AGO2: variants seen among roughly 807,000 people sequenced by gnomAD.
AGO2 encodes argonaute RISC catalytic component 2, also known as protein argonaute-2.
AGO2 carries 5 observed loss-of-function variants against 102.3 expected under a neutral mutation model. The observed-to-expected ratio is 0.05, with a 90% confidence interval of 0.03 to 0.10. The LOEUF (loss-of-function observed/expected upper bound fraction) is 0.10. Among genes scored for constraint, AGO2 ranks in the 10% least tolerant of loss-of-function variants. The pLI is 1.00. For synonymous variants in AGO2, 449 were observed against 473.1 expected (o/e 0.95, Z 0.66); for missense variants, 541 against 1,183.7 (o/e 0.46, Z 7.97).
intron 1 of AGO2, among the ~76,000 whole-genome samples, chr8:140,619,137 GC>G (rs1290641834): frequency 1.3e-5 from 2 of 151,974 alleles, no homozygotes; most frequent in Non-Finnish European, 2.9e-5. Flanking sequence ...GAAGGAGGAG[GC>G]CCCTGGCCCT....
intron 1 of AGO2, among the ~76,000 whole-genome samples, chr8:140,609,091 G>A (rs1393293605): frequency 2.0e-5 from 3 of 152,260 alleles, no homozygotes; most frequent in African/African-American, 7.2e-5. Context: ...GGGGGAGCAG[G>A]ATGCCGCCTC....
intron 1 of AGO2, among the ~76,000 whole-genome samples, chr8:140,613,966 G>T (rs2152102954): frequency 7.8e-6 from 1 of 128,522 alleles, no homozygotes; most frequent in East Asian, 2.4e-4. Context: ...AGTGAACCAT[G>T]ATCATCCCCA....
At chr8:140,623,527 C>T (rs1588514632) in intron 1 of AGO2, among the ~76,000 whole-genome samples, 1 of 152,198 alleles carries the variant, frequency 6.6e-6, no homozygotes, top group South Asian at 2.1e-4. Flanking sequence ...GCAGTCAGGC[C>T]CCCGGCTGGA....
chr8:140,564,685 G>A (rs1181707510), intron 3 of AGO2, among the ~76,000 whole-genome samples: 2 of 152,188 alleles, frequency 1.3e-5, no homozygotes, highest in African/African-American at 4.8e-5. Flanking sequence ...GCTCATGCCT[G>A]TAATCCCAGC....
Position 140,635,629 on chromosome 8 carries a change from A to C in AGO2, c.-123T>G. On this transcript the variant is annotated 5_prime_UTR_variant, in exon 1 of 19. Coordinates refer to ENST00000220592, the MANE Select transcript of AGO2 (RefSeq NM_012154.5). Reference sequence around the variant, plus strand: ...CCGCCCCGGCGCGGCCGCCTCGCCAAACAGGTTTACCCGACGCGGCCGGGG... The same window carrying C: ...CCGCCCCGGCGCGGCCGCCTCGCCACACAGGTTTACCCGACGCGGCCGGGG... The C allele has an allele frequency of 4.4e-6, 3 of 678,808 alleles. No homozygotes were observed. Among genetic ancestry groups the C allele is most frequent in the Non-Finnish European group, 5.4e-6 (3 of 553,204 alleles). 42.0% of individuals were successfully genotyped at this position (678,808 alleles called of 1,614,324 possible). A position where few individuals can be genotyped will look rare whatever the true frequency, so the allele number is the denominator to read the frequency against.
rs151220691 is a variant in AGO2 at position 140,580,031 on chromosome 8, G to A, written c.215+5088C>T. 6.4e-4 allele frequency among the ~76,000 whole-genome samples: 58 copies of A among 90,172 alleles called. 2 individuals are homozygous for A. The East Asian group carries it at 0.01, about 16-fold the overall frequency. The allele number at this position is 90,172 out of a possible 152,430, so 59.2% of individuals were successfully genotyped here. ...CCCACCTCCTCCTCGCAGCCCACCC[G>A]TGCTTCTCGGAACAGAGCATGGGGG... On this transcript the variant is annotated intron_variant, in intron 2 of 18. Transcript: ENST00000220592.
chr8:140,600,320 G>C (rs1410600762), intron 1 of AGO2, among the ~76,000 whole-genome samples: 1 of 152,246 alleles, frequency 6.6e-6, no homozygotes, highest in Non-Finnish European at 1.5e-5. Context: ...TCCCAGCCTT[G>C]TGTTAACTGT....
chr8:140,602,923 G>C (rs2133053058), intron 1 of AGO2, among the ~76,000 whole-genome samples: 1 of 152,262 alleles, frequency 6.6e-6, no homozygotes. Flanking sequence ...AATCGAAATG[G>C]TATTCTACTT....
rs2072462847 is a variant in AGO2 at position 140,524,264 on chromosome 8, A to G, written c.*7780T>C. On this transcript the variant is annotated 3_prime_UTR_variant, in exon 19 of 19. Coordinates refer to ENST00000220592, the MANE Select transcript of AGO2 (RefSeq NM_012154.5). ...TTAAAAAATCTACTTCCATTACAAT[A>G]AATATTCTTCTCGAGTGACTATGAG... 6.6e-6 allele frequency: 1 copy of G among 152,214 alleles called. No homozygotes were observed. Among genetic ancestry groups the G allele is most frequent in the African/African-American group, 2.4e-5 (1 of 41,444 alleles). 9.4% of individuals were successfully genotyped at this position (152,214 alleles called of 1,614,324 possible). A position where few individuals can be genotyped will look rare whatever the true frequency, so the allele number is the denominator to read the frequency against.
chr8:140,585,400 C>T, intron 1 of AGO2, 89 bp from the exon 2 acceptor site: 1 of 1,445,252 alleles, frequency 6.9e-7, no homozygotes, highest in Non-Finnish European at 9.4e-7. Flanking sequence ...ACTATATGCC[C>T]CCCTCTGCTG....
At chr8:140,536,525 C>A (rs896679111) in intron 16 of AGO2, among the ~76,000 whole-genome samples, 1 of 152,066 alleles carries the variant, frequency 6.6e-6, no homozygotes, top group African/African-American at 2.4e-5. Context: ...CGGGGTTTCA[C>A]TATGTTGGTC....
At chr8:140,544,100 A>C in intron 14 of AGO2, 113 bp downstream of exon 14, 1 of 1,171,876 alleles carries the variant, frequency 8.5e-7, no homozygotes, top group Non-Finnish European at 1.2e-6. Context: ...ACCGCAGCTT[A>C]GTGAGACCCC....
chr8:140,565,011 A>T (rs2073257138), intron 3 of AGO2, among the ~76,000 whole-genome samples: 1 of 152,054 alleles, frequency 6.6e-6, no homozygotes, highest in South Asian at 2.1e-4. Context: ...GCACGTGCCT[A>T]TAATCCCAGC....
At chr8:140,628,774 A>G (rs2074306035) in intron 1 of AGO2, among the ~76,000 whole-genome samples, 1 of 151,554 alleles carries the variant, frequency 6.6e-6, no homozygotes, top group South Asian at 2.1e-4. Context: ...CAAAATAATA[A>G]TAGCAGCAAC....
At chr8:140,576,982 T>G (rs1260893608) in intron 2 of AGO2, among the ~76,000 whole-genome samples, 2 of 151,954 alleles carry the variant, frequency 1.3e-5, no homozygotes, top group African/African-American at 4.8e-5. Context: ...CCGAAGCAGG[T>G]GGATCACGAG....
chr8:140,633,224 G>A (rs886718474), intron 1 of AGO2, among the ~76,000 whole-genome samples: 2 of 152,114 alleles, frequency 1.3e-5, no homozygotes, highest in African/African-American at 4.8e-5. Context: ...AAATTAGAAA[G>A]TATAAGATTA....
rs574089704 is a variant in AGO2 at position 140,544,507 on chromosome 8, T to G, written c.1749-204A>C. On this transcript the variant is annotated intron_variant, in intron 13 of 18. Transcript: ENST00000220592. Reference sequence around the variant, plus strand: ...AATCTGCTTCAGAATAGCCACGGGTTGGGGGGCTTGGGTGGAGTGTACTCC... The same window carrying G: ...AATCTGCTTCAGAATAGCCACGGGTGGGGGGGCTTGGGTGGAGTGTACTCC... 8.7e-4 allele frequency among the ~76,000 whole-genome samples: 133 copies of G among 152,306 alleles called. 2 individuals carry two copies. Among genetic ancestry groups the G allele is most frequent in the African/African-American group, 3.1e-3 (129 of 41,570 alleles).
chr8:140,639,264 G>A (rs1387501673), upstream of AGO2, among the ~76,000 whole-genome samples: 4 of 152,238 alleles, frequency 2.6e-5, no homozygotes, highest in Non-Finnish European at 5.9e-5. Context: ...GGTGGATCAC[G>A]AGGTCAGGAG....
intron 3 of AGO2, among the ~76,000 whole-genome samples, chr8:140,563,112 C>T (rs2073229170): frequency 1.3e-5 from 2 of 152,206 alleles, no homozygotes; most frequent in Non-Finnish European, 2.9e-5. Context: ...TCAGGTGACG[C>T]GTGAAGCAAC....
Sources: allele counts gnomAD v4.1 joint callset (sites outside exome capture counted in the v4.1 genomes callset), GRCh38; gene constraint gnomAD v4.1.1; transcripts MANE v1.5; gene names NCBI Gene and HGNC (gene_info 2026-07-23, HGNC 2026-07-21).